Variants in AGBL1 observed in about 807,000 individuals in gnomAD.
The protein encoded by AGBL1 is AGBL carboxypeptidase 1, also known as cytosolic carboxypeptidase 4.
AGBL1 carries 130 observed loss-of-function variants against 118.9 expected under a neutral mutation model. The ratio of observed to expected loss-of-function variants is 1.09; its 90% CI spans 0.95 to 1.26. The LOEUF (loss-of-function observed/expected upper bound fraction) is 1.26, where lower values mean the gene tolerates loss of function less well. Ranked by LOEUF, AGBL1 falls within the 50% of genes most tolerant of loss-of-function variation. The probability of loss-of-function intolerance (pLI) is 0.00; values close to 1 mark genes in which losing one functional copy is unlikely to be tolerated. For missense variants in AGBL1, 1,584 were observed against 1,298.1 expected, an observed-to-expected ratio of 1.22 and a Z score of -3.38; for synonymous variants, 555 against 478.9, an observed-to-expected ratio of 1.16 and a Z score of -2.08.
At chr15:87,000,591 C>G (rs1364318546) in intron 24 of AGBL1, among the ~76,000 whole-genome samples, 1 of 86,320 alleles carries the variant, frequency 1.2e-5, no homozygotes, top group Non-Finnish European at 2.5e-5. Context: ...ATCTATATCT[C>G]TGTTTTGGTA....
chr15:86,178,576 A>T (rs953973946), intron 5 of AGBL1, among the ~76,000 whole-genome samples: 2 of 152,222 alleles, frequency 1.3e-5, no homozygotes, highest in African/African-American at 2.4e-5. Context: ...TTGGTAATTG[A>T]ATTGAATGTA....
At chr15:86,882,608 G>A (rs2079911562) in intron 22 of AGBL1, among the ~76,000 whole-genome samples, 1 of 152,130 alleles carries the variant, frequency 6.6e-6, no homozygotes, top group South Asian at 2.1e-4. Flanking sequence ...TAAAGTAAAA[G>A]TGCATATAAA....
At chr15:86,452,251 C>T (rs755985261) in intron 18 of AGBL1, among the ~76,000 whole-genome samples, 6 of 152,182 alleles carry the variant, frequency 3.9e-5, no homozygotes, top group Non-Finnish European at 8.8e-5. Context: ...CAAGTGGCCA[C>T]ATGTTTGTCC....
chr15:86,738,223 A>G (rs913943548), intron 22 of AGBL1, among the ~76,000 whole-genome samples: 5 of 152,212 alleles, frequency 3.3e-5, no homozygotes, highest in Non-Finnish European at 7.3e-5. Flanking sequence ...TAGAAGGAAT[A>G]TACCTCAACT....
At chr15:86,265,786 C>T (rs2079062271) in intron 11 of AGBL1, among the ~76,000 whole-genome samples, 1 of 152,224 alleles carries the variant, frequency 6.6e-6, no homozygotes, top group African/African-American at 2.4e-5. Context: ...CCTTCTCTCA[C>T]ACCTCCCTTA....
intron 18 of AGBL1, among the ~76,000 whole-genome samples, chr15:86,452,781 A>C (rs891907487): frequency 6.6e-6 from 1 of 151,940 alleles, no homozygotes; most frequent in Non-Finnish European, 1.5e-5. Flanking sequence ...CACCCTTGCT[A>C]TTTCTGCCCA....
chr15:86,770,202 G>A (rs925395592), intron 22 of AGBL1, among the ~76,000 whole-genome samples: 2 of 152,030 alleles, frequency 1.3e-5, no homozygotes, highest in Middle Eastern at 6.8e-3. Context: ...TGGCGCTATA[G>A]TTAGTTTATA....
chr15:86,390,933 G>C (rs897057459), intron 17 of AGBL1, among the ~76,000 whole-genome samples: 1 of 151,412 alleles, frequency 6.6e-6, no homozygotes, highest in East Asian at 2.0e-4. Context: ...GCCTCCCACA[G>C]TGCTGGTATT....
At chr15:86,202,901 G>A (rs548489676) in intron 5 of AGBL1, among the ~76,000 whole-genome samples, 46 of 152,170 alleles carry the variant, frequency 3.0e-4, no homozygotes, top group Non-Finnish European at 5.6e-4. Flanking sequence ...GGAGGCTGAG[G>A]CAATTGCACA....
intron 1 of AGBL1, among the ~76,000 whole-genome samples, chr15:86,109,562 T>C (rs1434172459): frequency 6.6e-6 from 1 of 152,234 alleles, no homozygotes; most frequent in Non-Finnish European, 1.5e-5. Flanking sequence ...TGATCAAAAT[T>C]TGTTTTTTAC....
Position 86,621,668 on chromosome 15 carries a change from C to T in AGBL1, c.2995-52605C>T, listed in dbSNP as rs146961622. Among the ~76,000 whole-genome samples, 647 of 152,286 alleles carry T rather than the reference C, an allele frequency of 4.2e-3. 6 individuals are homozygous for T. Among genetic ancestry groups the T allele is most frequent in the African/African-American group, 0.015 (606 of 41,564 alleles). On this transcript the variant is annotated intron_variant, in intron 21 of 22. Transcript: ENST00000614907. ...TTATGTCCAAATCAGCTCACATTTA[C>T]AGGAACTGGGATTTAGGACTTGGAG...
chr15:86,864,090 G>T (rs993431728), intron 22 of AGBL1, among the ~76,000 whole-genome samples: 3 of 152,120 alleles, frequency 2.0e-5, no homozygotes, highest in African/African-American at 7.2e-5. Flanking sequence ...GCACAGCTTT[G>T]CATAAAAACA....
intron 23 of AGBL1, among the ~76,000 whole-genome samples, chr15:86,938,285 T>C (rs555368763): frequency 6.6e-6 from 1 of 152,308 alleles, no homozygotes; most frequent in South Asian, 2.1e-4. Context: ...CCCTTTCCCC[T>C]TTTATAGTCT....
intron 17 of AGBL1, among the ~76,000 whole-genome samples, chr15:86,360,607 A>T (rs745333944): frequency 6.6e-6 from 1 of 151,912 alleles, no homozygotes; most frequent in African/African-American, 2.4e-5. Context: ...AGTTTAAGAA[A>T]GACTGGTTTT....
intron 21 of AGBL1, among the ~76,000 whole-genome samples, chr15:86,564,336 A>C (rs2083878965): frequency 6.6e-6 from 1 of 152,164 alleles, no homozygotes; most frequent in Non-Finnish European, 1.5e-5. Context: ...GAGGTGACAC[A>C]ATCTCTCAGC....
intron 17 of AGBL1, among the ~76,000 whole-genome samples, chr15:86,394,307 A>T (rs746938064): frequency 1.3e-5 from 2 of 152,164 alleles, no homozygotes; most frequent in African/African-American, 2.4e-5. Flanking sequence ...CCTTTGGCAT[A>T]TATTTCTTCT....
chr15:86,638,380 A>G (rs975786714), intron 21 of AGBL1, among the ~76,000 whole-genome samples: 8 of 152,150 alleles, frequency 5.3e-5, no homozygotes, highest in African/African-American at 1.9e-4. Context: ...GATGTGCTGC[A>G]TTTTCACTTG....
intron 22 of AGBL1, among the ~76,000 whole-genome samples, chr15:86,798,466 A>G (rs548275003): frequency 6.6e-6 from 1 of 152,146 alleles, no homozygotes; most frequent in Non-Finnish European, 1.5e-5. Context: ...ATCCCTGGAC[A>G]TTCTTAGAAA....
chr15:86,488,051 C>T (rs1596179613), intron 18 of AGBL1, among the ~76,000 whole-genome samples: 2 of 152,054 alleles, frequency 1.3e-5, no homozygotes, highest in East Asian at 3.9e-4. Flanking sequence ...CTTTTCTACT[C>T]AGCCCCAAAT....
Sources: gnomAD v4.1 joint callset for allele counts (sites outside exome capture counted in the v4.1 genomes callset) on GRCh38, gnomAD v4.1.1 for gene constraint, MANE v1.5 for transcripts, NCBI Gene and HGNC (gene_info 2026-07-23, HGNC 2026-07-21) for gene names.